The following BLMH variants were observed in gnomAD, a reference collection of about 807,000 sequenced individuals.
The protein encoded by BLMH is BLM hydrolase.
In BLMH, 32 loss-of-function variants were observed where a neutral mutation model predicts 61.6. The observed-to-expected ratio is 0.52, with a 90% confidence interval of 0.39 to 0.70. BLMH has a LOEUF of 0.70. Among genes scored for constraint, BLMH ranks in the 30% least tolerant of loss-of-function variants. The pLI is 0.00. For synonymous variants in BLMH, 183 were observed against 193.8 expected (o/e 0.94, Z 0.46); for missense variants, 460 against 555.5 (o/e 0.83, Z 1.73).
In BLMH at chr17:30,289,502, C is replaced by T; in HGVS notation, c.212-20G>A. 2 of 1,578,362 alleles carry T rather than the reference C, an allele frequency of 1.3e-6. No homozygotes were observed. The highest frequency in any genetic ancestry group is 1.7e-6 in the Non-Finnish European group (2 of 1,153,284). ...ATCGCCCTGAAACAAGAAAGCACAT[C>T]AAGAAATTATGAGGGTTCACATAGA... On this transcript the variant is annotated intron_variant, in intron 2 of 11. Coordinates refer to ENST00000261714, the MANE Select transcript of BLMH (RefSeq NM_000386.4).
Position 30,291,388 on chromosome 17 carries a change from G to T in BLMH, c.134C>A (p.Thr45Lys), listed in dbSNP as rs1597670123. 1 of 1,613,840 alleles carries T rather than the reference G, an allele frequency of 6.2e-7. No individual in the cohort carries two copies. The highest frequency in any genetic ancestry group is 2.2e-5 in the East Asian group (1 of 44,878). ...GAACACATGCTGCGCGCGCTGCACCGTGGCCCGCTTCAGACAGATGTCCAG... is the reference window on the plus strand; with the variant it reads ...GAACACATGCTGCGCGCGCTGCACCTTGGCCCGCTTCAGACAGATGTCCAG... ...DLLDICLKRA[T>K]VQRAQHVFQH... The change falls in exon 2 of 12, where the codon ACG becomes AAG. Residue 45 changes from threonine (T) to lysine (K), a missense_variant. Thr to Lys is a moderately conservative substitution (Grantham distance 78). Coordinates refer to ENST00000261714, the MANE Select transcript of BLMH (RefSeq NM_000386.4).
intron 6 of BLMH, among the ~76,000 whole-genome samples, chr17:30,276,140 A>C (rs199803053): frequency 3.9e-5 from 5 of 128,140 alleles, no homozygotes; most frequent in South Asian, 2.5e-4. Flanking sequence ...ATGCTGTCAA[A>C]AACAACAACA....
chr17:30,280,877 G>A (rs1210746496), intron 6 of BLMH, among the ~76,000 whole-genome samples: 1 of 152,174 alleles, frequency 6.6e-6, no homozygotes, highest in African/African-American at 2.4e-5. Context: ...CACTAAAGCA[G>A]TCACAGAAAA....
At chr17:30,254,566 C>A (rs1292342297) in intron 11 of BLMH, among the ~76,000 whole-genome samples, 1 of 151,918 alleles carries the variant, frequency 6.6e-6, no homozygotes, top group Non-Finnish European at 1.5e-5. Context: ...AGTATAATTA[C>A]AACTATGTTA....
chr17:30,272,519 C>T, intron 9 of BLMH, 42 bp downstream of exon 9: 2 of 1,608,564 alleles, frequency 1.2e-6, no homozygotes, highest in Non-Finnish European at 1.7e-6. Flanking sequence ...CCAACAGCAA[C>T]AACCCACAAA....
chr17:30,255,315 G>A (rs1256793227), intron 11 of BLMH, among the ~76,000 whole-genome samples: 3 of 152,156 alleles, frequency 2.0e-5, no homozygotes, highest in East Asian at 1.9e-4. Flanking sequence ...GCTTAGGGGC[G>A]ATGGGCTATA....
At chr17:30,288,980 C>A (rs183843985) in intron 3 of BLMH, among the ~76,000 whole-genome samples, 3 of 152,002 alleles carry the variant, frequency 2.0e-5, no homozygotes, top group Admixed American at 6.5e-5. Flanking sequence ...AATAAATAAA[C>A]AAATAAACAA....
intron 11 of BLMH, among the ~76,000 whole-genome samples, chr17:30,258,031 C>T (rs1037040780): frequency 6.6e-6 from 1 of 152,104 alleles, no homozygotes; most frequent in Non-Finnish European, 1.5e-5. Context: ...TGGAGTCTCA[C>T]TATGTTGCCC....
rs202065083 is a variant in BLMH at position 30,278,675 on chromosome 17, T to TG, written c.646-4479dup. ...TTTAACGAACACGTGACTTTTTTTG[T>TG]GGGGGGGAGCGGGGGACAGAGCCTC... On this transcript the variant is annotated intron_variant, in intron 6 of 11. Transcript: ENST00000261714. Among the ~76,000 whole-genome samples the TG allele has an allele frequency of 3.4e-3, 521 of 152,084 alleles. 7 individuals are homozygous for TG. Among genetic ancestry groups the TG allele is most frequent in the Admixed American group, 0.02 (308 of 15,274 alleles).
intron 10 of BLMH, among the ~76,000 whole-genome samples, chr17:30,270,358 T>C (rs1210643900): frequency 1.3e-5 from 2 of 151,896 alleles, no homozygotes; most frequent in African/African-American, 4.8e-5. Context: ...AAAAATCAGC[T>C]GGGTGTGTTG....
chr17:30,280,935 T>A (rs1908568774), intron 6 of BLMH, among the ~76,000 whole-genome samples: 1 of 152,102 alleles, frequency 6.6e-6, no homozygotes, highest in African/African-American at 2.4e-5. Flanking sequence ...ATGAGCTAGT[T>A]ATAGGAGAGA....
At chr17:30,267,179 G>T (rs1487814793) in intron 10 of BLMH, among the ~76,000 whole-genome samples, 1 of 151,956 alleles carries the variant, frequency 6.6e-6, no homozygotes, top group African/African-American at 2.4e-5. Flanking sequence ...AATCTCTTGG[G>T]GTAAAAACAT....
chr17:30,275,841 A>T (rs1424184743), intron 6 of BLMH, among the ~76,000 whole-genome samples: 1 of 152,154 alleles, frequency 6.6e-6, no homozygotes, highest in Non-Finnish European at 1.5e-5. Context: ...CACAGTCACC[A>T]CCCTGATCCA....
intron 9 of BLMH, among the ~76,000 whole-genome samples, chr17:30,271,976 C>A (rs767909665): frequency 6.6e-6 from 1 of 151,926 alleles, no homozygotes. Flanking sequence ...CTCATTAATT[C>A]TTTTTTTTAG....
At chr17:30,263,839 C>G (rs764588585) in intron 11 of BLMH, among the ~76,000 whole-genome samples, 1 of 152,180 alleles carries the variant, frequency 6.6e-6, no homozygotes, top group Non-Finnish European at 1.5e-5. Context: ...TCAGAAACAT[C>G]AATCTTAACA....
At chr17:30,253,664 G>A (rs894915051) in intron 11 of BLMH, among the ~76,000 whole-genome samples, 1 of 152,086 alleles carries the variant, frequency 6.6e-6, no homozygotes, top group African/African-American at 2.4e-5. Flanking sequence ...TGAGACACAA[G>A]CATTCCAAGG....
At chr17:30,270,658 G>C (rs1024712617) in intron 10 of BLMH, among the ~76,000 whole-genome samples, 2 of 152,152 alleles carry the variant, frequency 1.3e-5, no homozygotes, top group Non-Finnish European at 2.9e-5. Context: ...GAGCACAGAG[G>C]TGAAAATATC....
rs1908316741 is a variant in BLMH at position 30,272,997 on chromosome 17, T to C, written c.802-98A>G. ...GTTCATGTTTCCATCAAGCTCATCATCTCTGCCTACAAGCTAAGTACTACA... is the reference window on the plus strand; with the variant it reads ...GTTCATGTTTCCATCAAGCTCATCACCTCTGCCTACAAGCTAAGTACTACA... On this transcript the variant is annotated intron_variant, in intron 7 of 11. Transcript: ENST00000261714. 6 of 1,356,414 alleles carry C rather than the reference T, an allele frequency of 4.4e-6. No homozygotes were observed. In the East Asian group the frequency reaches 1.4e-4, roughly 31 times the overall value. 84.0% of individuals were successfully genotyped at this position (1,356,414 alleles called of 1,614,324 possible).
At chr17:30,255,767 T>C (rs887046650) in intron 11 of BLMH, among the ~76,000 whole-genome samples, 5 of 152,168 alleles carry the variant, frequency 3.3e-5, no homozygotes, top group Admixed American at 6.5e-5. Context: ...CATGGTGGCG[T>C]GTGCCTGTAG....
Sources: allele counts gnomAD v4.1 joint callset (sites outside exome capture counted in the v4.1 genomes callset), GRCh38; gene constraint gnomAD v4.1.1; transcripts MANE v1.5; gene names NCBI Gene and HGNC (gene_info 2026-07-23, HGNC 2026-07-21).